Variants in NFATC1 observed in about 807,000 individuals in gnomAD.
NFATC1 encodes the protein nuclear factor of activated T cells 1.
In NFATC1, 22 loss-of-function variants were observed where a neutral mutation model predicts 76.0. The ratio of observed to expected loss-of-function variants is 0.29; its 90% CI spans 0.21 to 0.41. The LOEUF (loss-of-function observed/expected upper bound fraction) is 0.41. NFATC1 is among the 10% of genes least tolerant of loss of function. NFATC1 has a pLI of 1.00. For synonymous variants in NFATC1, 704 were observed against 613.1 expected (o/e 1.15, Z -2.19); for missense variants, 1,357 against 1,337.7 (o/e 1.01, Z -0.23).
intron 9 of NFATC1, chr18:79,515,987 C>G (rs1023506770): frequency 6.6e-6 from 1 of 151,096 alleles, no homozygotes; most frequent in Non-Finnish European, 1.5e-5. Flanking sequence ...CGTGGAAACA[C>G]GCGCCCGCAT....
At chr18:79,517,999 C>G (rs1008227933) in intron 9 of NFATC1, among the ~76,000 whole-genome samples, 1 of 152,198 alleles carries the variant, frequency 6.6e-6, no homozygotes, top group East Asian at 1.9e-4. Context: ...TCTTTAAGCC[C>G]AAATCCAGTT....
In NFATC1 at chr18:79,411,225, A is replaced by G. The variant is rs749180270; in HGVS notation, c.950A>G (p.Asn317Ser). ...AGCTCGGCCATCGTGGCCGCCATCA[A>G]CGCGCTGACCACCGACAGCAGCCTG... ...YTSSAIVAAI[N>S]ALTTDSSLDL... Residue 317 changes from asparagine to serine, a missense_variant, in exon 2 of 10, where the codon AAC becomes AGC. Physicochemically the swap from Asn to Ser is conservative, Grantham distance 46. This residue lies in a region of NFATC1 where 691 missense variants were observed against 613.1 expected (regional missense o/e 1.13). Coordinates refer to ENST00000427363, the MANE Select transcript of NFATC1 (RefSeq NM_001278669.2). 3.1e-6 allele frequency: 5 copies of G among 1,605,562 alleles called. No homozygotes were observed. The highest frequency in any genetic ancestry group is 4.2e-6 in the Non-Finnish European group (5 of 1,179,810).
intron 8 of NFATC1, among the ~76,000 whole-genome samples, chr18:79,481,373 C>G (rs991916034): frequency 6.6e-6 from 1 of 152,224 alleles, no homozygotes; most frequent in Non-Finnish European, 1.5e-5. Flanking sequence ...CGCCTCCTGC[C>G]ACCCCTTCAA....
chr18:79,479,856 C>G lies in NFATC1; in HGVS notation c.2093-6392C>G, dbSNP rs530640299. ...ATGGGGCAGTCGCCTGGGGAAGGCC[C>G]GGTCCCGGTGGGAGGCAGCCTCAGA... is the stretch of plus-strand genomic sequence containing the variant. On this transcript the variant is annotated intron_variant, in intron 8 of 9. Transcript: ENST00000427363. Among the ~76,000 whole-genome samples, 14 of 152,334 alleles carry G rather than the reference C, an allele frequency of 9.2e-5. No homozygotes were observed. In the South Asian group the frequency reaches 2.7e-3, roughly 29 times the overall value.
At chr18:79,522,232 AGG>A (rs1362135190) in intron 9 of NFATC1, among the ~76,000 whole-genome samples, 1 of 6,920 alleles carries the variant, frequency 1.4e-4, no homozygotes, top group Non-Finnish European at 2.9e-4. Flanking sequence ...GTCTGGGTGT[AGG>A]GGGGGTGGCA....
At chr18:79,400,181 T>C in intron 1 of NFATC1, 1 of 1,100,494 alleles carries the variant, frequency 9.1e-7, no homozygotes, top group Non-Finnish European at 1.1e-6. Context: ...TAAAAACTCG[T>C]GTCCGGGGAG....
intron 8 of NFATC1, among the ~76,000 whole-genome samples, chr18:79,472,776 G>A (rs536001119): frequency 3.6e-4 from 55 of 152,288 alleles, no homozygotes; most frequent in African/African-American, 1.2e-3. Flanking sequence ...CCACCGTGGC[G>A]GCTGCCTCCA....
intron 1 of NFATC1, among the ~76,000 whole-genome samples, chr18:79,402,602 T>G (rs1016789467): frequency 7.2e-5 from 11 of 152,196 alleles, no homozygotes; most frequent in Non-Finnish European, 1.6e-4. Flanking sequence ...ACCGTGGTTT[T>G]GGGCTTTAGG....
At chr18:79,437,650 C>G (rs1484942535) in intron 3 of NFATC1, among the ~76,000 whole-genome samples, 1 of 152,264 alleles carries the variant, frequency 6.6e-6, no homozygotes, top group African/African-American at 2.4e-5. Flanking sequence ...ACTGAGTGTC[C>G]TGATGGTGGC....
At chr18:79,507,162 G>A (rs944371392) in intron 9 of NFATC1, among the ~76,000 whole-genome samples, 3 of 152,242 alleles carry the variant, frequency 2.0e-5, no homozygotes, top group African/African-American at 7.2e-5. Context: ...CCACCCCAGA[G>A]GTGAAGTCTT....
In NFATC1 at chr18:79,486,771, G is replaced by C; in HGVS notation, c.2616G>C (p.Thr872=). The C allele has an allele frequency of 6.2e-7, 1 of 1,607,258 alleles. No homozygotes were observed. Among genetic ancestry groups the C allele is most frequent in the South Asian group, 1.1e-5 (1 of 90,824 alleles). ...GCAGCCCAGCGTGCCCGCCCGCCAC[G>C]GGCCGCCCGCAGCACCTGCCGTCCA... ...QPCSPACPPA[T]GRPQHLPSTV... is the part of the protein sequence containing the mutation. The change falls in exon 9 of 10, where the codon ACG becomes ACC. Residue 872 remains threonine, a synonymous_variant. Transcript: ENST00000427363.
At chr18:79,462,415 C>T (rs1285485277) in intron 7 of NFATC1, among the ~76,000 whole-genome samples, 1 of 152,164 alleles carries the variant, frequency 6.6e-6, no homozygotes, top group African/African-American at 2.4e-5. Context: ...CGGCTCACTG[C>T]AACCTCCACC....
At chr18:79,491,297 G>A (rs1211390958) in intron 9 of NFATC1, among the ~76,000 whole-genome samples, 1 of 152,154 alleles carries the variant, frequency 6.6e-6, no homozygotes, top group Non-Finnish European at 1.5e-5. Context: ...CCCAACAAGG[G>A]ACGATCCCAG....
chr18:79,487,830 C>T (rs557110595), intron 9 of NFATC1, among the ~76,000 whole-genome samples: 5 of 152,336 alleles, frequency 3.3e-5, no homozygotes, highest in East Asian at 3.9e-4. Flanking sequence ...GTGATCGGGG[C>T]GTGCCCGCGG....
chr18:79,510,761 G>A (rs936508288), intron 9 of NFATC1, among the ~76,000 whole-genome samples: 13 of 152,222 alleles, frequency 8.5e-5, no homozygotes, highest in African/African-American at 2.4e-4. Flanking sequence ...CTGCGGAGGC[G>A]TCCCTGCCCT....
intron 1 of NFATC1, 87 bp downstream of exon 1, chr18:79,396,438 C>G: frequency 1.1e-6 from 1 of 900,886 alleles, no homozygotes; most frequent in Non-Finnish European, 1.4e-6. Flanking sequence ...GTCGCCCGCA[C>G]GGAGGGGTCC....
intron 1 of NFATC1, among the ~76,000 whole-genome samples, chr18:79,400,834 C>CTCCT (rs1270985543): frequency 5.0e-5 from 1 of 20,094 alleles, no homozygotes; most frequent in African/African-American, 1.8e-4. Context: ...ACCCCCCGAC[C>CTCCT]CCCCCCCCAC....
At chr18:79,398,713 GA>G (rs1183599766) in intron 1 of NFATC1, among the ~76,000 whole-genome samples, 4 of 152,244 alleles carry the variant, frequency 2.6e-5, no homozygotes, top group African/African-American at 4.8e-5. Context: ...CTAAACAGAT[GA>G]TAAGGGCTGT....
intron 6 of NFATC1, among the ~76,000 whole-genome samples, chr18:79,452,563 C>T (rs769311187): frequency 2.0e-5 from 3 of 152,226 alleles, no homozygotes; most frequent in Admixed American, 6.5e-5. Context: ...CCAGCACTCT[C>T]ATCCCAGAGG....
Sources: allele counts gnomAD v4.1 joint callset (sites outside exome capture counted in the v4.1 genomes callset), GRCh38; gene constraint gnomAD v4.1.1; regional missense constraint gnomAD v4.1.1; transcripts MANE v1.5; gene names NCBI Gene and HGNC (gene_info 2026-07-23, HGNC 2026-07-21).